ASB15: variants seen among roughly 807,000 people sequenced by gnomAD.
ASB15 encodes the protein ankyrin repeat and SOCS box protein 15.
Under a neutral mutation model 58.0 loss-of-function variants are expected in ASB15, and 54 were observed. The observed-to-expected ratio is 0.93, with a 90% CI of 0.75 to 1.17. The LOEUF is 1.17. Ranked by LOEUF, ASB15 falls within the 50% of genes most tolerant of loss-of-function variation. The pLI is 0.00. For missense variants in ASB15, 680 were observed against 707.4 expected (o/e 0.96, Z 0.44); for synonymous variants, 249 against 262.4 (o/e 0.95, Z 0.50).
chr7:123,571,835 A>T (rs1798915405), intron 1 of ASB15, among the ~76,000 whole-genome samples: 2 of 151,744 alleles, frequency 1.3e-5, no homozygotes, highest in Admixed American at 1.3e-4. Context: ...CATGATCATG[A>T]CTCACTGTAG....
chr7:123,617,033 C>T (rs1800861864), intron 6 of ASB15, among the ~76,000 whole-genome samples: 1 of 152,100 alleles, frequency 6.6e-6, no homozygotes, highest in Admixed American at 6.6e-5. Flanking sequence ...CACATCTCAG[C>T]ATCTTACAGA....
intron 1 of ASB15, among the ~76,000 whole-genome samples, chr7:123,592,978 G>T (rs4510789): frequency 6.6e-6 from 1 of 151,884 alleles, no homozygotes. Context: ...TATATATTTA[G>T]GATAGTTAGT....
chr7:123,618,448 T>C (rs570664630), intron 7 of ASB15, among the ~76,000 whole-genome samples: 72 of 152,288 alleles, frequency 4.7e-4, no homozygotes, highest in African/African-American at 1.4e-3. Context: ...TAGCTGTGAA[T>C]TGCAATCATG....
intron 2 of ASB15, among the ~76,000 whole-genome samples, chr7:123,606,165 C>T (rs1800140009): frequency 6.6e-6 from 1 of 152,162 alleles, no homozygotes; most frequent in South Asian, 2.1e-4. Context: ...AGCCACCACT[C>T]ACTAATTAAT....
At chr7:123,628,464 A>G (rs992027408) in intron 9 of ASB15, among the ~76,000 whole-genome samples, 1 of 152,152 alleles carries the variant, frequency 6.6e-6, no homozygotes, top group Admixed American at 6.5e-5. Context: ...CCATGATCCT[A>G]ATGGTCAAGA....
At chr7:123,635,391 A>G (rs566550147) in intron 11 of ASB15, among the ~76,000 whole-genome samples, 16 of 152,200 alleles carry the variant, frequency 1.1e-4, no homozygotes, top group Non-Finnish European at 1.6e-4. Context: ...TCTCTTTTTT[A>G]GCTTGGAGAT....
At chr7:123,625,146 G>T (rs920132422) in intron 8 of ASB15, among the ~76,000 whole-genome samples, 1 of 152,142 alleles carries the variant, frequency 6.6e-6, no homozygotes, top group Non-Finnish European at 1.5e-5. Flanking sequence ...CTCTTCTAAT[G>T]TAATAATTTC....
At chr7:123,605,554 T>C (rs1800106695) in intron 2 of ASB15, among the ~76,000 whole-genome samples, 1 of 152,210 alleles carries the variant, frequency 6.6e-6, no homozygotes, top group Admixed American at 6.5e-5. Flanking sequence ...GTACGTTCAC[T>C]GCAGTATTGT....
intron 3 of ASB15, among the ~76,000 whole-genome samples, chr7:123,609,936 G>C (rs759140936): frequency 6.6e-6 from 1 of 152,150 alleles, no homozygotes; most frequent in Non-Finnish European, 1.5e-5. Context: ...CTGGTATGTC[G>C]ATCCTGTTGT....
Position 123,629,956 on chromosome 7 carries a change from A to G in ASB15, c.1441-10A>G, listed in dbSNP as rs1802033411. 4 of 1,544,806 alleles carry G rather than the reference A, an allele frequency of 2.6e-6. No individual in the cohort carries two copies. Among genetic ancestry groups the G allele is most frequent in the East Asian group, 2.3e-5 (1 of 44,098 alleles). On this transcript the variant is annotated splice_polypyrimidine_tract_variant and intron_variant, in intron 10 of 11. Transcript: ENST00000451215. The stretch of plus-strand genomic sequence containing the variant: ...AATACTACTAAATTAAATTTTATCA[A>G]TTCTCTCAGTTCTGTGAGTTTATTA...
intron 1 of ASB15, among the ~76,000 whole-genome samples, chr7:123,570,901 T>C (rs1798892454): frequency 6.6e-6 from 1 of 152,194 alleles, no homozygotes; most frequent in Admixed American, 6.5e-5. Flanking sequence ...AGCAGGAATA[T>C]AGCTCTAAAA....
Position 123,638,379 on chromosome 7 carries a change from G to T in ASB15, c.*1398G>T, listed in dbSNP as rs1266299212. ...TCTAGAATTTTATTTTTTAAACACT[G>T]ATTCCCAGACTTCAAGGTGTCATAC... On this transcript the variant is annotated 3_prime_UTR_variant, in exon 12 of 12. Coordinates refer to ENST00000451215, the MANE Select transcript of ASB15 (RefSeq NM_001290258.2). 1 of 151,952 alleles carries T rather than the reference G, an allele frequency of 6.6e-6. No homozygotes were observed. Among genetic ancestry groups the T allele is most frequent in the African/African-American group, 2.4e-5 (1 of 41,336 alleles). 9.4% of individuals were successfully genotyped at this position (151,952 alleles called of 1,614,324 possible). A position where few individuals can be genotyped will look rare whatever the true frequency, so the allele number is the denominator to read the frequency against.
intron 9 of ASB15, 113 bp from the exon 10 acceptor site, chr7:123,628,751 G>C (rs931054707): frequency 2.9e-6 from 2 of 683,090 alleles, no homozygotes; most frequent in Non-Finnish European, 4.6e-6. Context: ...AAGTTATCTA[G>C]AGAAAATAAG....
At chr7:123,598,128 G>A (rs1283434936), upstream of ASB15, among the ~76,000 whole-genome samples, 4 of 152,072 alleles carry the variant, frequency 2.6e-5, no homozygotes, top group Admixed American at 6.6e-5. Context: ...ATGTGTGTCT[G>A]TATATATAGA....
intron 11 of ASB15, among the ~76,000 whole-genome samples, chr7:123,634,459 C>T (rs138037060): frequency 8.5e-5 from 13 of 152,196 alleles, no homozygotes; most frequent in African/African-American, 3.1e-4. Flanking sequence ...CCTTGATGGG[C>T]ATTTAGGTTG....
Position 123,617,732 on chromosome 7 carries a change from T to C in ASB15, c.446T>C (p.Leu149Pro). The C allele has an allele frequency of 6.2e-7, 1 of 1,606,286 alleles. No homozygotes were observed. Among genetic ancestry groups the C allele is most frequent in the African/African-American group, 1.3e-5 (1 of 74,446 alleles). ...AATGATAAAGGAGAGACCCCCCTTCTGATTGGTAAATGACCTTTTTTTCTA... is the reference window on the plus strand; with the variant it reads ...AATGATAAAGGAGAGACCCCCCTTCCGATTGGTAAATGACCTTTTTTTCTA... ...TKNDKGETPL[L>P]IAVKKGSYDM... is the part of the protein sequence containing the mutation. The change falls in exon 7 of 12, where the codon CTG becomes CCG. Residue 149 changes from leucine to proline, a missense_variant. Coordinates refer to ENST00000451215, the MANE Select transcript of ASB15 (RefSeq NM_001290258.2).
upstream of ASB15, among the ~76,000 whole-genome samples, chr7:123,601,050 G>A (rs1407903723): frequency 1.3e-5 from 2 of 152,184 alleles, no homozygotes; most frequent in African/African-American, 4.8e-5. Context: ...AAAACGAGTT[G>A]TTTTAGTAGG....
chr7:123,609,623 A>G (rs959970169), intron 3 of ASB15, among the ~76,000 whole-genome samples: 1 of 152,142 alleles, frequency 6.6e-6, no homozygotes, highest in Non-Finnish European at 1.5e-5. Context: ...GGTGGGGAAA[A>G]CAGATCTGCA....
At chr7:123,596,081 G>A (rs1213010575) in intron 1 of ASB15, among the ~76,000 whole-genome samples, 2 of 151,958 alleles carry the variant, frequency 1.3e-5, no homozygotes, top group African/African-American at 4.8e-5. Context: ...TACTTATACT[G>A]TTCTACTAAA....
Sources: allele counts gnomAD v4.1 joint callset (sites outside exome capture counted in the v4.1 genomes callset), GRCh38; gene constraint gnomAD v4.1.1; transcripts MANE v1.5; gene names NCBI Gene and HGNC (gene_info 2026-07-23, HGNC 2026-07-21).